NDST3: variants seen among roughly 807,000 people sequenced by gnomAD.
The protein encoded by NDST3 is bifunctional heparan sulfate N-deacetylase/N-sulfotransferase 3.
NDST3 carries 58 observed loss-of-function variants against 96.1 expected under a neutral mutation model. The observed-to-expected ratio is 0.60, with a 90% confidence interval of 0.49 to 0.75. NDST3 has a LOEUF of 0.75. Among genes scored for constraint, NDST3 ranks in the 30% least tolerant of loss-of-function variants. The pLI, the probability that NDST3 is intolerant of heterozygous loss-of-function variation, is 0.00. For synonymous variants in NDST3, 333 were observed against 359.7 expected (o/e 0.93, Z 0.84); for missense variants, 788 against 1,034.2 (o/e 0.76, Z 3.27).
chr4:118,254,467 C>T (rs1449234380), intron 13 of NDST3, among the ~76,000 whole-genome samples: 1 of 152,138 alleles, frequency 6.6e-6, no homozygotes, highest in Non-Finnish European at 1.5e-5. Flanking sequence ...AGTATGTATT[C>T]AGCACTTCCT....
chr4:118,082,606 C>A (rs1728110214), intron 2 of NDST3, among the ~76,000 whole-genome samples: 1 of 152,110 alleles, frequency 6.6e-6, no homozygotes, highest in Admixed American at 6.6e-5. Context: ...CAAAATTGTT[C>A]TTTACTACAA....
chr4:118,037,512 C>T (rs971047936), intron 1 of NDST3, among the ~76,000 whole-genome samples: 3 of 152,146 alleles, frequency 2.0e-5, no homozygotes, highest in Non-Finnish European at 2.9e-5. Context: ...TTCCTTTAAC[C>T]GTTATACTAC....
intron 2 of NDST3, among the ~76,000 whole-genome samples, chr4:118,077,994 C>T (rs1727689418): frequency 6.6e-6 from 1 of 152,128 alleles, no homozygotes; most frequent in Admixed American, 6.5e-5. Flanking sequence ...CAAGAGTTGC[C>T]CCTGTAAAAC....
intron 10 of NDST3, among the ~76,000 whole-genome samples, chr4:118,237,613 G>A (rs1439007983): frequency 1.3e-5 from 2 of 152,088 alleles, no homozygotes; most frequent in Non-Finnish European, 2.9e-5. Flanking sequence ...TTCAGACATT[G>A]AGGTTTATAC....
intron 3 of NDST3, among the ~76,000 whole-genome samples, chr4:118,113,686 C>T (rs969689653): frequency 2.0e-5 from 3 of 152,118 alleles, no homozygotes; most frequent in African/African-American, 7.2e-5. Flanking sequence ...CATCTTTAGC[C>T]TGTAGGGCTC....
intron 2 of NDST3, among the ~76,000 whole-genome samples, chr4:118,068,672 T>C (rs956900976): frequency 2.0e-5 from 3 of 152,128 alleles, no homozygotes; most frequent in African/African-American, 7.2e-5. Flanking sequence ...GTAGTAGAAA[T>C]GCACATTTGG....
chr4:118,243,532 T>C (rs1270146746), intron 12 of NDST3, among the ~76,000 whole-genome samples: 2 of 152,198 alleles, frequency 1.3e-5, no homozygotes, highest in African/African-American at 4.8e-5. Context: ...ACACTGGCCT[T>C]AGGTATTTAA....
intron 6 of NDST3, among the ~76,000 whole-genome samples, chr4:118,210,500 G>A (rs575619443): frequency 4.6e-5 from 7 of 152,248 alleles, no homozygotes; most frequent in Admixed American, 3.3e-4. Flanking sequence ...CTGCTGGGCC[G>A]GGCACGGTGT....
chr4:118,140,573 G>C lies in NDST3; in HGVS notation c.1410+2334G>C, dbSNP rs138628210. Among the ~76,000 whole-genome samples the C allele has an allele frequency of 9.3e-3, 1,415 of 152,252 alleles. 25 individuals carry two copies. The highest frequency in any genetic ancestry group is 0.082 in the Middle Eastern group (24 of 294). ...TATTAGTCCATTCTCACATTGCTAT[G>C]AGTAAATACCCAAGACTGGGTAATT... On this transcript the variant is annotated intron_variant, in intron 5 of 13. Coordinates refer to ENST00000296499, the MANE Select transcript of NDST3 (RefSeq NM_004784.3).
chr4:118,112,285 T>C (rs1407879667), intron 3 of NDST3, among the ~76,000 whole-genome samples: 1 of 152,090 alleles, frequency 6.6e-6, no homozygotes, highest in Admixed American at 6.5e-5. Flanking sequence ...TAAATAATAT[T>C]TGAGCAGAGG....
At chr4:118,215,022 C>T (rs1374146307) in intron 6 of NDST3, among the ~76,000 whole-genome samples, 1 of 152,116 alleles carries the variant, frequency 6.6e-6, no homozygotes, top group Non-Finnish European at 1.5e-5. Context: ...AGCTTACTTA[C>T]ACTCTATTAC....
intron 2 of NDST3, among the ~76,000 whole-genome samples, chr4:118,062,351 G>T (rs1725964598): frequency 1.3e-5 from 2 of 152,092 alleles, no homozygotes; most frequent in Admixed American, 1.3e-4. Flanking sequence ...CTCCCTGGAA[G>T]TCACCTAAAC....
At chr4:118,249,222 T>G (rs1220798001) in intron 12 of NDST3, among the ~76,000 whole-genome samples, 1 of 152,238 alleles carries the variant, frequency 6.6e-6, no homozygotes, top group African/African-American at 2.4e-5. Flanking sequence ...CATATGTATG[T>G]TCCAGTTACG....
intron 2 of NDST3, among the ~76,000 whole-genome samples, chr4:118,077,113 C>T (rs184119093): frequency 2.6e-5 from 4 of 152,270 alleles, no homozygotes; most frequent in Non-Finnish European, 5.9e-5. Context: ...GGTACAGGGC[C>T]CTTGGCTTTG....
At chr4:118,057,285 A>T (rs1725505457) in intron 2 of NDST3, among the ~76,000 whole-genome samples, 1 of 152,024 alleles carries the variant, frequency 6.6e-6, no homozygotes, top group African/African-American at 2.4e-5. Context: ...ATCATAGTGA[A>T]GATCATTAAA....
intron 2 of NDST3, among the ~76,000 whole-genome samples, chr4:118,070,981 T>G (rs183002626): frequency 6.6e-6 from 1 of 151,910 alleles, no homozygotes; most frequent in Non-Finnish European, 1.5e-5. Context: ...ATGAACTTGT[T>G]TTTTGTCCTT....
At chr4:118,106,179 A>G (rs915708730) in intron 3 of NDST3, among the ~76,000 whole-genome samples, 6 of 152,244 alleles carry the variant, frequency 3.9e-5, no homozygotes, top group South Asian at 2.1e-4. Context: ...TTACAGTTCC[A>G]TGTGTTCCAA....
intron 5 of NDST3, among the ~76,000 whole-genome samples, chr4:118,138,654 A>AT (rs1313772251): frequency 6.6e-6 from 1 of 152,226 alleles, no homozygotes; most frequent in African/African-American, 2.4e-5. Context: ...AGGCTAAAAA[A>AT]GAACTCAACC....
intron 2 of NDST3, among the ~76,000 whole-genome samples, chr4:118,089,348 G>GA (rs528903474): frequency 1.3e-5 from 2 of 151,370 alleles, no homozygotes; most frequent in Non-Finnish European, 3.0e-5. Context: ...TCTTTGTAAA[G>GA]AAAAAAAACT....
Sources: allele counts gnomAD v4.1 joint callset (sites outside exome capture counted in the v4.1 genomes callset), GRCh38; gene constraint gnomAD v4.1.1; transcripts MANE v1.5; gene names NCBI Gene and HGNC (gene_info 2026-07-23, HGNC 2026-07-21).